The following EFHD1 variants were observed in gnomAD, a reference collection of about 807,000 sequenced individuals.
The protein encoded by EFHD1 is EF-hand domain family member D1.
In EFHD1, 10 loss-of-function variants were observed where a neutral mutation model predicts 17.2. The ratio of observed to expected loss-of-function variants is 0.58; its 90% CI spans 0.36 to 0.99. EFHD1 has a LOEUF of 0.99. Ranked by LOEUF, EFHD1 falls within the 50% of genes least tolerant of loss-of-function variation. EFHD1 has a pLI of 0.01. For missense variants in EFHD1, 310 were observed against 327.5 expected, an observed-to-expected ratio of 0.95 and a Z score of 0.41; for synonymous variants, 153 against 142.0, an observed-to-expected ratio of 1.08 and a Z score of -0.55.
At chr2:232,606,928 G>T (rs1693725042) in intron 1 of EFHD1, among the ~76,000 whole-genome samples, 2 of 150,882 alleles carry the variant, frequency 1.3e-5, no homozygotes, top group Non-Finnish European at 3.0e-5. Flanking sequence ...AAAAAATAAA[G>T]TTGGGGTGCA....
At chr2:232,675,641 G>A (rs940930295) in intron 3 of EFHD1, among the ~76,000 whole-genome samples, 2 of 152,310 alleles carry the variant, frequency 1.3e-5, no homozygotes, top group South Asian at 2.1e-4. Context: ...GGGCCTTGAC[G>A]TGATCGGGGT....
intron 1 of EFHD1, among the ~76,000 whole-genome samples, chr2:232,644,942 ATTTTTT>A (rs752790323): frequency 2.6e-5 from 3 of 114,372 alleles, no homozygotes; most frequent in East Asian, 4.8e-4. Flanking sequence ...ATGCCTGGCA[ATTTTTT>A]TTTTTTTTTT....
intron 1 of EFHD1, among the ~76,000 whole-genome samples, chr2:232,628,064 T>C (rs1470490034): frequency 6.6e-6 from 1 of 152,108 alleles, no homozygotes; most frequent in African/African-American, 2.4e-5. Context: ...TTTATTTACA[T>C]TTATTTATTT....
chr2:232,655,115 T>C (rs1251433658), intron 1 of EFHD1, among the ~76,000 whole-genome samples: 2 of 152,232 alleles, frequency 1.3e-5, no homozygotes, highest in Admixed American at 6.5e-5. Flanking sequence ...GAACACGCTA[T>C]GTGTGCTGGG....
chr2:232,633,971 C>T lies in EFHD1; in HGVS notation c.267C>T (p.Arg89=), dbSNP rs1304286649. Residue 89 remains arginine, a synonymous_variant, in exon 1 of 4, where the codon CGC becomes CGT. Transcript: ENST00000264059. ...ACACGGAGTTCCCGGAGTTCAGCCG[C>T]CGCCTCATCAAGGACCTGGAGAGCA... ...NPYTEFPEFS[R]RLIKDLESMF... 2 of 1,597,614 alleles carry T rather than the reference C, an allele frequency of 1.3e-6. No homozygotes were observed. The highest frequency in any genetic ancestry group is 1.7e-6 in the Non-Finnish European group (2 of 1,179,212).
chr2:232,647,309 A>G (rs1224031510), intron 1 of EFHD1, among the ~76,000 whole-genome samples: 5 of 152,250 alleles, frequency 3.3e-5, no homozygotes, highest in African/African-American at 9.6e-5. Context: ...GTGGCAGCCC[A>G]GGGTGTCCTC....
At chr2:232,665,066 A>G (rs1370616873) in intron 2 of EFHD1, among the ~76,000 whole-genome samples, 1 of 151,458 alleles carries the variant, frequency 6.6e-6, no homozygotes, top group African/African-American at 2.4e-5. Context: ...ACGTACCACT[A>G]CACCTGGCTA....
At chr2:232,641,197 A>G (rs1039362037) in intron 1 of EFHD1, among the ~76,000 whole-genome samples, 1 of 151,838 alleles carries the variant, frequency 6.6e-6, no homozygotes. Flanking sequence ...CACGACCACC[A>G]TGCCCAGCTA....
At chr2:232,651,513 C>T (rs1694653635) in intron 1 of EFHD1, among the ~76,000 whole-genome samples, 1 of 152,228 alleles carries the variant, frequency 6.6e-6, no homozygotes, top group South Asian at 2.1e-4. Context: ...AGTGTTCCCC[C>T]TTCCCCCGGT....
upstream of EFHD1, among the ~76,000 whole-genome samples, chr2:232,632,098 G>A (rs760088751): frequency 6.6e-6 from 1 of 152,066 alleles, no homozygotes; most frequent in Non-Finnish European, 1.5e-5. Flanking sequence ...ACATAAAGTG[G>A]TCAAAACAGA....
chr2:232,679,170 G>GT (rs1695230000), intron 3 of EFHD1, among the ~76,000 whole-genome samples: 1 of 152,168 alleles, frequency 6.6e-6, no homozygotes, highest in African/African-American at 2.4e-5. Context: ...AGGAAAATGG[G>GT]TTTAGAACCT....
intron 1 of EFHD1, chr2:232,649,811 C>T (rs1382815084): frequency 6.6e-6 from 1 of 152,210 alleles, no homozygotes; most frequent in Non-Finnish European, 1.5e-5. Flanking sequence ...ACCAGAGTCT[C>T]CCCCTAACAG....
At position 232,669,688 on chromosome 2, in the gene EFHD1, C is replaced by T. The variant is rs145478403; in HGVS notation, c.451-2621C>T. Among the ~76,000 whole-genome samples the T allele has an allele frequency of 9.7e-3, 1,468 of 151,736 alleles. 22 individuals carry two copies. The highest frequency in any genetic ancestry group is 0.034 in the African/African-American group (1,400 of 41,356). On this transcript the variant is annotated intron_variant, in intron 2 of 3. Transcript: ENST00000264059. ...CGACCTCGGCTCACTGCAACCTCCA[C>T]CTCCTGGGTTCAAGCGATTCTCCTG...
chr2:232,639,264 A>G (rs1282453521), intron 1 of EFHD1, among the ~76,000 whole-genome samples: 1 of 152,228 alleles, frequency 6.6e-6, no homozygotes, highest in East Asian at 1.9e-4. Flanking sequence ...GTGTTACATT[A>G]TACAGAAAGA....
In EFHD1 at chr2:232,614,005, TACACATATAC is replaced by T. The variant is rs899808061; in HGVS notation, c.14+7838_14+7847del. On this transcript the variant is annotated intron_variant, in intron 1 of 3. Coordinates refer to the EFHD1 transcript ENST00000409613. ...ACACACATACATACACATGTGCACATACACATATACACACAAATACACACACAAACATACA... is the reference window on the plus strand; with the variant it reads ...ACACACATACATACACATGTGCACATACACAAATACACACACAAACATACA... 1.5e-4 allele frequency among the ~76,000 whole-genome samples: 21 copies of T among 144,582 alleles called. No individual in the cohort carries two copies. The East Asian group carries it at 4.4e-3, about 31-fold the overall frequency. 94.9% of individuals were successfully genotyped at this position (144,582 alleles called of 152,430 possible).
chr2:232,632,545 C>T (rs1199011121), upstream of EFHD1, among the ~76,000 whole-genome samples: 5 of 152,174 alleles, frequency 3.3e-5, no homozygotes, highest in Non-Finnish European at 7.4e-5. Flanking sequence ...TTTGTTTTTA[C>T]CCTCTTGTTA....
chr2:232,671,588 A>G (rs560630751), intron 2 of EFHD1, among the ~76,000 whole-genome samples: 8 of 151,860 alleles, frequency 5.3e-5, no homozygotes, highest in Non-Finnish European at 1.0e-4. Context: ...TTAGCGAGGC[A>G]TGATGGTGCA....
intron 1 of EFHD1, among the ~76,000 whole-genome samples, chr2:232,608,910 C>T (rs1693764775): frequency 6.6e-6 from 1 of 151,826 alleles, no homozygotes; most frequent in Non-Finnish European, 1.5e-5. Flanking sequence ...AGCCTGGCAA[C>T]AGAGCAAGAC....
chr2:232,628,658 A>C (rs1158244867), upstream of EFHD1, among the ~76,000 whole-genome samples: 1 of 152,054 alleles, frequency 6.6e-6, no homozygotes, highest in Non-Finnish European at 1.5e-5. Context: ...ACAGAAATGG[A>C]CTCAATTCCG....
Sources: gnomAD v4.1 joint callset for allele counts (sites outside exome capture counted in the v4.1 genomes callset) on GRCh38, gnomAD v4.1.1 for gene constraint, MANE v1.5 for transcripts, NCBI Gene and HGNC (gene_info 2026-07-23, HGNC 2026-07-21) for gene names.